RAD9B: variants seen among roughly 807,000 people sequenced by gnomAD.
The protein encoded by RAD9B is cell cycle checkpoint control protein RAD9B.
RAD9B carries 41 observed loss-of-function variants against 48.3 expected under a neutral mutation model. The observed-to-expected ratio is 0.85, with a 90% CI of 0.66 to 1.10. RAD9B has a LOEUF of 1.10. Among genes scored for constraint, RAD9B ranks in the 50% least tolerant of loss-of-function variants. RAD9B has a pLI of 0.00. For missense variants in RAD9B, 444 were observed against 485.1 expected (o/e 0.92, Z 0.80); for synonymous variants, 160 against 157.9 (o/e 1.01, Z -0.10).
chr12:110,504,854 T>G, intron 2 of RAD9B, among the ~76,000 whole-genome samples: 1 of 151,996 alleles, frequency 6.6e-6, no homozygotes, highest in African/African-American at 2.4e-5. Flanking sequence ...ATTTTAAAAA[T>G]TAGTCGGGTG....
chr12:110,503,960 A>T, intron 2 of RAD9B, 84 bp downstream of exon 2: 1 of 737,300 alleles, frequency 1.4e-6, no homozygotes, highest in South Asian at 2.2e-5. Context: ...TTAACTAGGA[A>T]ATCCAGAAAT....
At chr12:110,512,144 C>CACATGTACCCCATAAA (rs1362895733) in intron 4 of RAD9B, among the ~76,000 whole-genome samples, 4 of 141,086 alleles carry the variant, frequency 2.8e-5, no homozygotes, top group Admixed American at 7.1e-5. Flanking sequence ...CGTGCCTGGC[C>CACATGTACCCCATAAA]TTTTTTTTTT....
At chr12:110,506,434 C>A (rs7970622) in intron 3 of RAD9B, 145 bp from the exon 4 acceptor site, 7 of 483,732 alleles carry the variant, frequency 1.4e-5, no homozygotes, top group Admixed American at 1.1e-4. Flanking sequence ...GTGATCCGCC[C>A]GCCTCGGCCT....
Position 110,530,597 on chromosome 12 carries a change from G to GC in RAD9B, c.1199dup (p.Arg401LysfsTer4), listed in dbSNP as rs748778907. 7.9e-5 allele frequency: 128 copies of GC among 1,613,824 alleles called. No homozygotes were observed. Among genetic ancestry groups the GC allele is most frequent in the Non-Finnish European group, 1.0e-4 (120 of 1,179,854 alleles). ...CTTCAACCACCCTTTCGACAGTCTG[G>GC]CAAGAGCAAGTGACAGTGAAGAGGA... On this transcript the variant is annotated frameshift_variant, in exon 11 of 11. Transcript: ENST00000409300. LOFTEE classifies it high-confidence loss of function.
intron 1 of RAD9B, chr12:110,503,565 A>G (rs918693967): frequency 8.3e-6 from 4 of 482,638 alleles, no homozygotes; most frequent in Non-Finnish European, 1.5e-5. Flanking sequence ...CTGTAAACAT[A>G]TAGAAGGACA....
chr12:110,522,107 G>A (rs1267321960), intron 9 of RAD9B, 70 bp from the exon 10 acceptor site: 3 of 989,600 alleles, frequency 3.0e-6, no homozygotes, highest in Non-Finnish European at 4.6e-6. Context: ...ATCCCACATT[G>A]TCCATTAGTT....
At chr12:110,504,378 AGAATTGCTT>A (rs1333855427) in intron 2 of RAD9B, among the ~76,000 whole-genome samples, 1 of 151,056 alleles carries the variant, frequency 6.6e-6, no homozygotes, top group African/African-American at 2.4e-5. Context: ...CTGAGGTGGG[AGAATTGCTT>A]GAATCCAGCA....
At chr12:110,528,115 C>T (rs553630144) in intron 10 of RAD9B, among the ~76,000 whole-genome samples, 3 of 152,236 alleles carry the variant, frequency 2.0e-5, no homozygotes, top group African/African-American at 7.2e-5. Context: ...ATGGCTTTAC[C>T]TGGGAGGGCT....
chr12:110,517,662 G>A (rs1438592772), intron 6 of RAD9B, among the ~76,000 whole-genome samples: 1 of 151,444 alleles, frequency 6.6e-6, no homozygotes, highest in East Asian at 1.9e-4. Context: ...AATGTTATAT[G>A]TGTATGTATA....
intron 1 of RAD9B, 101 bp downstream of exon 1, chr12:110,502,484 C>G (rs1349868676): frequency 1.5e-5 from 21 of 1,397,738 alleles, no homozygotes; most frequent in Non-Finnish European, 1.9e-5. Context: ...CCTTTTTGCG[C>G]AATGACTGAG....
At chr12:110,519,196 C>T (rs944272810) in intron 8 of RAD9B, among the ~76,000 whole-genome samples, 5 of 152,080 alleles carry the variant, frequency 3.3e-5, no homozygotes, top group African/African-American at 9.7e-5. Flanking sequence ...CTCTGCCTCC[C>T]GGGTTCAAGC....
Position 110,506,475 on chromosome 12 carries a change from A to G in RAD9B, c.274-104A>G, listed in dbSNP as rs776696726. On this transcript the variant is annotated intron_variant, in intron 3 of 10. Coordinates refer to ENST00000409300, the MANE Select transcript of RAD9B (RefSeq NM_001286535.2). ...AGTGCTGGGATTACAGGCGTGAGCC[A>G]CCGCGCCTGGCCAAGTCTGTTCATT... 6.3e-4 allele frequency: 415 copies of G among 656,324 alleles called. 1 individual carries two copies. Among genetic ancestry groups the G allele is most frequent in the Non-Finnish European group, 8.3e-4 (296 of 358,360 alleles). The allele number at this position is 656,324 out of a possible 1,614,324, so 40.7% of individuals were successfully genotyped here. A position where few individuals can be genotyped will look rare whatever the true frequency, so the allele number is the denominator to read the frequency against.
At chr12:110,523,685 C>A (rs1336547258) in intron 10 of RAD9B, among the ~76,000 whole-genome samples, 3 of 152,138 alleles carry the variant, frequency 2.0e-5, no homozygotes, top group African/African-American at 7.2e-5. Context: ...TTTTCACAGG[C>A]AACAACAGGA....
rs145870857 is a variant in RAD9B at position 110,530,152 on chromosome 12, C to A, written c.1126-373C>A. 6.8e-3 allele frequency among the ~76,000 whole-genome samples: 1,043 copies of A among 152,278 alleles called. 1 individual carries two copies. Among genetic ancestry groups the A allele is most frequent in the Non-Finnish European group, 9.4e-3 (637 of 68,016 alleles). On this transcript the variant is annotated intron_variant, in intron 10 of 10. Coordinates refer to ENST00000409300, the MANE Select transcript of RAD9B (RefSeq NM_001286535.2). ...CCGCCTCCCGGGTTCACGCCATTCT[C>A]CTGCCTCAGCCTCCCGAGTAGCTAG... is the stretch of plus-strand genomic sequence containing the variant.
intron 9 of RAD9B, among the ~76,000 whole-genome samples, chr12:110,520,435 C>G (rs1039654417): frequency 1.3e-5 from 2 of 151,194 alleles, no homozygotes; most frequent in African/African-American, 4.9e-5. Flanking sequence ...TGGTCTCAAA[C>G]TTCTGGGCTG....
chr12:110,512,305 T>A (rs1363826800), intron 4 of RAD9B, among the ~76,000 whole-genome samples: 1 of 152,008 alleles, frequency 6.6e-6, no homozygotes, highest in Non-Finnish European at 1.5e-5. Context: ...TGCACCACCA[T>A]GCCCGACTGA....
In RAD9B at chr12:110,531,553, A is replaced by G. The variant is rs768333322; in HGVS notation, c.*900A>G. 5.4e-6 allele frequency: 8 copies of G among 1,479,950 alleles called. No homozygotes were observed. The highest frequency in any genetic ancestry group is 4.2e-5 in the African/African-American group (3 of 71,834). The allele number at this position is 1,479,950 out of a possible 1,614,324, so 91.7% of individuals were successfully genotyped here. On this transcript the variant is annotated 3_prime_UTR_variant, in exon 11 of 11. Transcript: ENST00000409300. The stretch of plus-strand genomic sequence containing the variant: ...AACCTCAAATTGTTCTGATTTTCAG[A>G]TGTGATTTTTTATTTTGCAGTGTGC...
At chr12:110,529,634 C>T (rs1180841482) in intron 10 of RAD9B, among the ~76,000 whole-genome samples, 1 of 151,578 alleles carries the variant, frequency 6.6e-6, no homozygotes, top group African/African-American at 2.4e-5. Flanking sequence ...CCTGTAGTTA[C>T]AGCTACTCCA....
At chr12:110,527,528 A>T (rs542208265) in intron 10 of RAD9B, among the ~76,000 whole-genome samples, 1 of 152,288 alleles carries the variant, frequency 6.6e-6, no homozygotes, top group Admixed American at 6.5e-5. Flanking sequence ...CTGAGACGTG[A>T]GGATGACCCA....
Sources: gnomAD v4.1 joint callset for allele counts (sites outside exome capture counted in the v4.1 genomes callset) on GRCh38, gnomAD v4.1.1 for gene constraint, MANE v1.5 for transcripts, NCBI Gene and HGNC (gene_info 2026-07-23, HGNC 2026-07-21) for gene names.